Variants in VCL observed in about 807,000 individuals in gnomAD.
The protein encoded by VCL is epididymis luminal protein 114.
In VCL, 47 loss-of-function variants were observed where a neutral mutation model predicts 125.7. The observed-to-expected ratio is 0.37, with a 90% CI of 0.30 to 0.48. The LOEUF (loss-of-function observed/expected upper bound fraction) is 0.48, where lower values mean the gene tolerates loss of function less well. VCL is among the 20% of genes least tolerant of loss of function. VCL has a pLI of 0.99. For missense variants in VCL, 1,069 were observed against 1,455.5 expected, an observed-to-expected ratio of 0.73 and a Z score of 4.32; for synonymous variants, 458 against 514.6, an observed-to-expected ratio of 0.89 and a Z score of 1.49.
At chr10:74,008,704 G>A (rs970529813) in intron 1 of VCL, among the ~76,000 whole-genome samples, 3 of 152,132 alleles carry the variant, frequency 2.0e-5, no homozygotes, top group African/African-American at 4.8e-5. Flanking sequence ...TTCCGACAGC[G>A]GGGTGTATTT....
At chr10:73,999,628 G>A (rs1442891774) in intron 1 of VCL, among the ~76,000 whole-genome samples, 1 of 152,100 alleles carries the variant, frequency 6.6e-6, no homozygotes, top group East Asian at 1.9e-4. Flanking sequence ...TTTCTGATTT[G>A]AGCACTTTAG....
At chr10:74,113,881 C>T (rs10824071) in intron 19 of VCL, among the ~76,000 whole-genome samples, 69,899 of 152,050 alleles carry the variant, frequency 0.46, 18,140 homozygotes, top group Non-Finnish European at 0.59. Context: ...CTTGCCCTTT[C>T]AGACTAATAT....
rs1321265806 is a variant in VCL, at chr10:73,998,198, C to T, written c.-10C>T. 2.5e-6 allele frequency: 4 copies of T among 1,610,812 alleles called. No individual in the cohort carries two copies. In the South Asian group the frequency reaches 4.4e-5, roughly 18 times the overall value. On this transcript the variant is annotated 5_prime_UTR_variant, in exon 1 of 22. Transcript: ENST00000211998. Reference sequence around the variant, plus strand: ...GTCGCCCGCGGTTCGCCGCCCCGCTCGCCGCCGCGATGCCAGTGTTTCATA... The same window carrying T: ...GTCGCCCGCGGTTCGCCGCCCCGCTTGCCGCCGCGATGCCAGTGTTTCATA...
chr10:74,050,583 A>C (rs1841281598), intron 2 of VCL, among the ~76,000 whole-genome samples: 1 of 152,208 alleles, frequency 6.6e-6, no homozygotes, highest in African/African-American at 2.4e-5. Context: ...GTGATCTTGA[A>C]CACTCAAAAT....
At chr10:74,114,685 T>C (rs1314487378) in intron 20 of VCL, 110 bp from the exon 21 acceptor site, 1 of 1,165,472 alleles carries the variant, frequency 8.6e-7, no homozygotes, top group Non-Finnish European at 1.3e-6. Flanking sequence ...ATTTATCGAG[T>C]GCCTTTTCTG....
In VCL at chr10:74,101,036, A is replaced by C. The variant is rs1591709946; in HGVS notation, c.1961A>C (p.Asn654Thr). Residue 654 changes from asparagine to threonine, a missense_variant, in exon 14 of 22, where the codon AAT becomes ACT. Asn to Thr is a moderately conservative substitution (Grantham distance 65). Around this residue, in one of 6 missense-constraint regions of VCL, gnomAD observed 760 missense variants for 928.9 expected, o/e 0.82. Coordinates refer to ENST00000211998, the MANE Select transcript of VCL (RefSeq NM_014000.3). Reference protein sequence around the residue: ...AEKAAAVGTANKSTVEGIQAS... With the variant: ...AEKAAAVGTATKSTVEGIQAS... ...AAGGCGGCTGCGGTTGGTACTGCTA[A>C]TAAATCAACAGTGGAAGGCATTCAG... 3.7e-6 allele frequency: 6 copies of C among 1,613,902 alleles called. No individual in the cohort carries two copies. Among genetic ancestry groups the C allele is most frequent in the Non-Finnish European group, 5.1e-6 (6 of 1,179,910 alleles).
At chr10:74,055,074 C>T (rs1352470421) in intron 2 of VCL, among the ~76,000 whole-genome samples, 2 of 151,604 alleles carry the variant, frequency 1.3e-5, no homozygotes, top group Non-Finnish European at 2.9e-5. Context: ...CTAAGGTGGG[C>T]AGATCACTTG....
At chr10:74,115,282 C>G (rs1221664612) in intron 21 of VCL, among the ~76,000 whole-genome samples, 1 of 151,932 alleles carries the variant, frequency 6.6e-6, no homozygotes, top group Non-Finnish European at 1.5e-5. Context: ...GTGGTGTGCA[C>G]CTGTAGTCCC....
chr10:74,055,609 G>A (rs912456393), intron 2 of VCL, among the ~76,000 whole-genome samples: 1 of 151,958 alleles, frequency 6.6e-6, no homozygotes, highest in Non-Finnish European at 1.5e-5. Context: ...AATCCTCCCA[G>A]AATACTGGGA....
At chr10:74,018,198 AT>A (rs1591653496) in intron 1 of VCL, among the ~76,000 whole-genome samples, 1 of 141,262 alleles carries the variant, frequency 7.1e-6, no homozygotes, top group East Asian at 2.0e-4. Context: ...ATATATATAT[AT>A]ATAAATACAT....
chr10:74,103,902 G>A lies in VCL; in HGVS notation c.2105G>A (p.Trp702Ter). ...CATTTTGAGACCATGAAGAACCAGTGGATCGATAATGTTGAAAAAATGACA... is the reference window on the plus strand; with the variant it reads ...CATTTTGAGACCATGAAGAACCAGTAGATCGATAATGTTGAAAAAATGACA... ...YEHFETMKNQ[W>*]IDNVEKMTGL... Residue 702 changes from tryptophan to a stop codon, truncating the protein, a stop_gained, in exon 15 of 22, where the codon TGG (tryptophan) becomes TAG (stop). Transcript: ENST00000211998. LOFTEE classifies it high-confidence loss of function. The A allele has an allele frequency of 6.2e-7, 1 of 1,614,072 alleles. No homozygotes were observed. Among genetic ancestry groups the A allele is most frequent in the Non-Finnish European group, 8.5e-7 (1 of 1,179,964 alleles).
At chr10:74,008,197 C>T (rs1008436708) in intron 1 of VCL, among the ~76,000 whole-genome samples, 8 of 152,064 alleles carry the variant, frequency 5.3e-5, no homozygotes, top group East Asian at 3.9e-4. Flanking sequence ...ATTTCCCATC[C>T]CCAGCTGTCA....
At chr10:73,998,525 C>G (rs1440697438) in intron 1 of VCL, 150 bp downstream of exon 1, 1 of 775,174 alleles carries the variant, frequency 1.3e-6, no homozygotes, top group Non-Finnish European at 1.8e-6. Flanking sequence ...GGCCTCTTCT[C>G]CGCCCTGTGA....
chr10:74,028,818 G>A (rs1478029433), intron 1 of VCL, among the ~76,000 whole-genome samples: 1 of 152,158 alleles, frequency 6.6e-6, no homozygotes, highest in East Asian at 1.9e-4. Context: ...ACTAAAAGGT[G>A]GGAGATGTGG....
At chr10:74,065,007 A>G (rs1841544193) in intron 2 of VCL, among the ~76,000 whole-genome samples, 1 of 152,212 alleles carries the variant, frequency 6.6e-6, no homozygotes, top group South Asian at 2.1e-4. Flanking sequence ...AAAATGAATG[A>G]CAAAAACACT....
At chr10:74,050,224 A>G (rs1039042798) in intron 2 of VCL, among the ~76,000 whole-genome samples, 37 of 152,198 alleles carry the variant, frequency 2.4e-4, no homozygotes, top group African/African-American at 8.4e-4. Flanking sequence ...GCTTGAAGTC[A>G]AAACTTGGAT....
intron 1 of VCL, among the ~76,000 whole-genome samples, chr10:74,011,363 C>T (rs1840432699): frequency 6.6e-6 from 1 of 152,098 alleles, no homozygotes; most frequent in Admixed American, 6.6e-5. Flanking sequence ...TTTATGTCCT[C>T]ATATACTGGA....
intron 2 of VCL, among the ~76,000 whole-genome samples, chr10:74,049,648 G>T (rs926700517): frequency 6.6e-6 from 1 of 152,074 alleles, no homozygotes; most frequent in Non-Finnish European, 1.5e-5. Context: ...TGGTGGGGGT[G>T]GTAGGAACTA....
At chr10:74,094,560 T>A in intron 11 of VCL, 99 bp downstream of exon 11, 1 of 1,370,832 alleles carries the variant, frequency 7.3e-7, no homozygotes, top group Non-Finnish European at 1.0e-6. Flanking sequence ...TAGGTAAGGG[T>A]TCTTTAGCTG....
Sources: allele counts gnomAD v4.1 joint callset (sites outside exome capture counted in the v4.1 genomes callset), GRCh38; gene constraint gnomAD v4.1.1; regional missense constraint gnomAD v4.1.1; transcripts MANE v1.5; gene names NCBI Gene and HGNC (gene_info 2026-07-23, HGNC 2026-07-21).